RBFOX1: variants seen among roughly 807,000 people sequenced by gnomAD.
RBFOX1 encodes RNA binding fox-1 homolog 1.
Under a neutral mutation model 57.7 loss-of-function variants are expected in RBFOX1, and 8 were observed. The observed-to-expected ratio is 0.14, with a 90% CI of 0.08 to 0.25. RBFOX1 has a LOEUF of 0.25. RBFOX1 is among the 10% of genes least tolerant of loss of function. The pLI is 1.00. For synonymous variants in RBFOX1, 326 were observed against 222.4 expected, an observed-to-expected ratio of 1.47 and a Z score of -4.15; for missense variants, 611 against 548.5, an observed-to-expected ratio of 1.11 and a Z score of -1.14.
At chr16:7,565,341 T>C (rs1336922805) in intron 5 of RBFOX1, among the ~76,000 whole-genome samples, 1 of 152,178 alleles carries the variant, frequency 6.6e-6, no homozygotes, top group Non-Finnish European at 1.5e-5. Context: ...TTAGAACATA[T>C]ATATTTTCCC....
chr16:6,423,648 A>G (rs1043351030), intron 2 of RBFOX1, among the ~76,000 whole-genome samples: 6 of 152,130 alleles, frequency 3.9e-5, no homozygotes, highest in Middle Eastern at 3.2e-3. Flanking sequence ...ATGTCTTCCT[A>G]CACAGGGGAG....
At chr16:6,872,789 G>A (rs2153275413) in intron 3 of RBFOX1, among the ~76,000 whole-genome samples, 1 of 152,240 alleles carries the variant, frequency 6.6e-6, no homozygotes, top group African/African-American at 2.4e-5. Flanking sequence ...GATAAGAGTT[G>A]AATTGATGCC....
At chr16:7,450,919 G>A (rs1355015639) in intron 4 of RBFOX1, among the ~76,000 whole-genome samples, 2 of 152,120 alleles carry the variant, frequency 1.3e-5, no homozygotes, top group African/African-American at 2.4e-5. Flanking sequence ...AGCGTAGGTT[G>A]GTAACTAAAA....
intron 3 of RBFOX1, among the ~76,000 whole-genome samples, chr16:5,858,251 G>T (rs1347672230): frequency 6.6e-6 from 1 of 152,150 alleles, no homozygotes; most frequent in African/African-American, 2.4e-5. Flanking sequence ...AAGGCCCAGA[G>T]AGCCTCAGCA....
intron 4 of RBFOX1, among the ~76,000 whole-genome samples, chr16:5,960,179 C>T (rs369401966): frequency 5.3e-5 from 8 of 152,020 alleles, no homozygotes; most frequent in African/African-American, 1.7e-4. Flanking sequence ...CCAGCCTGGG[C>T]AACAGAGTGA....
chr16:7,450,757 TGAG>T (rs376867089), intron 4 of RBFOX1, among the ~76,000 whole-genome samples: 5 of 152,018 alleles, frequency 3.3e-5, no homozygotes, highest in African/African-American at 9.7e-5. Flanking sequence ...GAGTGGGTGT[TGAG>T]GAGGAGGAAC....
intron 4 of RBFOX1, among the ~76,000 whole-genome samples, chr16:7,193,915 G>A (rs974346877): frequency 6.6e-6 from 1 of 152,008 alleles, no homozygotes; most frequent in African/African-American, 2.4e-5. Context: ...AGATATTCTA[G>A]TAGCAGTTGA....
chr16:6,033,998 C>G (rs1436054417), intron 1 of RBFOX1, among the ~76,000 whole-genome samples: 1 of 152,078 alleles, frequency 6.6e-6, no homozygotes, highest in Non-Finnish European at 1.5e-5. Context: ...TAGTCTAGTT[C>G]TGCTGCTATA....
intron 1 of RBFOX1, among the ~76,000 whole-genome samples, chr16:5,425,129 A>G (rs982762189): frequency 5.8e-5 from 5 of 86,352 alleles, no homozygotes; most frequent in African/African-American, 1.7e-4. Context: ...ATCTTGAGAC[A>G]GAGTCTCACT....
At chr16:5,575,489 T>G (rs2046421221) in intron 2 of RBFOX1, among the ~76,000 whole-genome samples, 1 of 152,182 alleles carries the variant, frequency 6.6e-6, no homozygotes, top group Admixed American at 6.5e-5. Context: ...TGAATTTCCT[T>G]GCCCACAGCC....
intron 3 of RBFOX1, among the ~76,000 whole-genome samples, chr16:6,904,599 TAAAAAAAAAAAAAAA>T (rs71147623): frequency 1.6e-5 from 1 of 64,006 alleles, no homozygotes; most frequent in African/African-American, 6.3e-5. Context: ...AGACTCTCTC[TAAAAAAAAAAAAAAA>T]AAAAAAAAAA....
chr16:5,935,944 G>A (rs184434641), intron 4 of RBFOX1, among the ~76,000 whole-genome samples: 79 of 152,206 alleles, frequency 5.2e-4, no homozygotes, highest in Admixed American at 1.8e-3. Flanking sequence ...GCCTCCCCTG[G>A]AGGCCCTCAG....
At chr16:6,494,999 C>G (rs941804704) in intron 2 of RBFOX1, among the ~76,000 whole-genome samples, 3 of 152,164 alleles carry the variant, frequency 2.0e-5, no homozygotes, top group South Asian at 2.1e-4. Context: ...ACACCAAGCA[C>G]AAAATGGTTA....
intron 1 of RBFOX1, among the ~76,000 whole-genome samples, chr16:6,306,076 G>A (rs1444594328): frequency 1.3e-5 from 2 of 152,186 alleles, no homozygotes; most frequent in Admixed American, 1.3e-4. Flanking sequence ...TAGGCACTCT[G>A]TTGAGTGCAG....
At chr16:5,490,037 G>A (rs1342201166) in intron 2 of RBFOX1, among the ~76,000 whole-genome samples, 1 of 152,224 alleles carries the variant, frequency 6.6e-6, no homozygotes, top group African/African-American at 2.4e-5. Flanking sequence ...GCCACTGTTA[G>A]AGGCCTGTGA....
At chr16:7,041,082 A>ATTTTT (rs61569211) in intron 3 of RBFOX1, among the ~76,000 whole-genome samples, 30 of 109,312 alleles carry the variant, frequency 2.7e-4, no homozygotes, top group Non-Finnish European at 3.3e-4. Context: ...CGCCCAGCTA[A>ATTTTT]TTTTTTTTTT....
rs538169400 is a variant in RBFOX1, at chr16:6,474,697, A to T, written c.-64+157640A>T. 6.6e-5 allele frequency among the ~76,000 whole-genome samples: 10 copies of T among 152,226 alleles called. No homozygotes were observed. In the South Asian group the frequency reaches 2.1e-3, roughly 32 times the overall value. Reference sequence around the variant, plus strand: ...ATTGAAAGAGAAAGAAGTTGGCCAAAAATTGTTCTCAGTGGTGAGATGAGT... The same window carrying T: ...ATTGAAAGAGAAAGAAGTTGGCCAATAATTGTTCTCAGTGGTGAGATGAGT... On this transcript the variant is annotated intron_variant, in intron 2 of 15. Coordinates refer to ENST00000550418, the MANE Select transcript of RBFOX1 (RefSeq NM_018723.4).
chr16:5,607,981 C>T (rs927378997), intron 3 of RBFOX1, among the ~76,000 whole-genome samples: 1 of 152,098 alleles, frequency 6.6e-6, no homozygotes, highest in African/African-American at 2.4e-5. Flanking sequence ...CACTCGTGCA[C>T]CTGTTGTTTG....
chr16:6,418,278 G>A (rs1026056918), intron 2 of RBFOX1, among the ~76,000 whole-genome samples: 3 of 152,178 alleles, frequency 2.0e-5, no homozygotes, highest in Admixed American at 6.5e-5. Context: ...AATCTAGGAG[G>A]TGTGTCCTTT....
Sources: gnomAD v4.1 joint callset for allele counts (sites outside exome capture counted in the v4.1 genomes callset) on GRCh38, gnomAD v4.1.1 for gene constraint, MANE v1.5 for transcripts, NCBI Gene and HGNC (gene_info 2026-07-23, HGNC 2026-07-21) for gene names.